PGD: variants seen among roughly 807,000 people sequenced by gnomAD.
PGD encodes the protein phosphogluconate dehydrogenase, also known as 6-phosphogluconate dehydrogenase, decarboxylating.
A neutral mutation model predicts 60.4 loss-of-function variants in PGD; 21 were observed. The ratio of observed to expected loss-of-function variants is 0.35; its 90% CI spans 0.25 to 0.50. PGD has a LOEUF of 0.50. Ranked by LOEUF, PGD falls within the 20% of genes least tolerant of loss-of-function variation. The probability of loss-of-function intolerance (pLI) is 0.98; values close to 1 mark genes in which losing one functional copy is unlikely to be tolerated. For missense variants in PGD, 477 were observed against 613.1 expected (o/e 0.78, Z 2.34); for synonymous variants, 230 against 235.9 (o/e 0.97, Z 0.23).
chr1:10,399,546 C>T (rs1639275012), intron 1 of PGD, 83 bp from the exon 2 acceptor site: 4 of 1,282,578 alleles, frequency 3.1e-6, no homozygotes, highest in African/African-American at 1.5e-5. Context: ...CAGTCACGGC[C>T]AAATGTGGAA....
chr1:10,417,261 T>C, intron 9 of PGD, 115 bp from the exon 10 acceptor site: 1 of 1,430,460 alleles, frequency 7.0e-7, no homozygotes. Flanking sequence ...TTACAATGTT[T>C]TCCTAGAATA....
At position 10,403,171 on chromosome 1, in the gene PGD, C is replaced by T. The variant is rs537403025; in HGVS notation, c.330+35C>T. 21 of 1,441,290 alleles carry T rather than the reference C, an allele frequency of 1.5e-5. No individual in the cohort carries two copies. In the East Asian group the frequency reaches 1.6e-4, roughly 11 times the overall value. The allele number at this position is 1,441,290 out of a possible 1,614,324, so 89.3% of individuals were successfully genotyped here. ...CTTCAGTCCAGATTCTTCCAGGTTC[C>T]GAGAACATTCTAGAAAAAAGTGTCA... is the stretch of plus-strand genomic sequence containing the variant. On this transcript the variant is annotated intron_variant, in intron 4 of 12. Transcript: ENST00000270776.
At chr1:10,403,891 G>C (rs1300189132) in intron 4 of PGD, among the ~76,000 whole-genome samples, 2 of 152,236 alleles carry the variant, frequency 1.3e-5, no homozygotes, top group East Asian at 3.9e-4. Flanking sequence ...ATGTGTGTTT[G>C]GCTTAATTAT....
chr1:10,416,237 G>A (rs977005996), intron 8 of PGD, among the ~76,000 whole-genome samples: 1 of 152,114 alleles, frequency 6.6e-6, no homozygotes, highest in African/African-American at 2.4e-5. Flanking sequence ...GGGATTACAG[G>A]TGTTAGCCAC....
chr1:10,416,703 C>T (rs941193260), intron 8 of PGD, among the ~76,000 whole-genome samples: 11 of 152,028 alleles, frequency 7.2e-5, no homozygotes, highest in African/African-American at 2.4e-4. Flanking sequence ...TTTTCTCTTA[C>T]GGGCAGGGCC....
At position 10,420,387 on chromosome 1, in the gene PGD, G is replaced by A. The variant is rs1171163987; in HGVS notation, c.*638G>A. Among the ~76,000 whole-genome samples the A allele has an allele frequency of 1.1e-5, 1 of 93,588 alleles. No homozygotes were observed. Among genetic ancestry groups the A allele is most frequent in the East Asian group, 3.3e-4 (1 of 3,054 alleles). The allele number at this position is 93,588 out of a possible 152,430, so 61.4% of individuals were successfully genotyped here. ...TTCACTGTAACGTGCTTTTTCTTTC[G>A]TCTTTTTTTTTTTTTTTTTTTTTTT... is the stretch of plus-strand genomic sequence containing the variant. On this transcript the variant is annotated 3_prime_UTR_variant, in exon 13 of 13. Transcript: ENST00000270776.
intron 3 of PGD, among the ~76,000 whole-genome samples, chr1:10,400,788 GAC>G (rs1032329428): frequency 3.3e-5 from 5 of 152,070 alleles, no homozygotes; most frequent in Non-Finnish European, 7.3e-5. Context: ...AATACTAACA[GAC>G]ATTTCAATAA....
At chr1:10,404,110 G>A (rs1418957861) in intron 4 of PGD, 51 bp from the exon 5 acceptor site, 2 of 1,260,850 alleles carry the variant, frequency 1.6e-6, no homozygotes, top group Non-Finnish European at 2.2e-6. Context: ...ATGAAACATG[G>A]AAGCATAATG....
intron 2 of PGD, 61 bp downstream of exon 2, chr1:10,399,765 G>A: frequency 1.4e-6 from 2 of 1,432,852 alleles, no homozygotes; most frequent in Non-Finnish European, 2.0e-6. Flanking sequence ...CGAGGCCGGC[G>A]ATAGGTTTGG....
chr1:10,405,039 C>A (rs192712478), intron 5 of PGD, among the ~76,000 whole-genome samples: 15 of 149,960 alleles, frequency 1.0e-4, no homozygotes, highest in African/African-American at 3.8e-4. Context: ...ATAGCGAGAT[C>A]CTGTTTCTAC....
At position 10,403,153 on chromosome 1, in the gene PGD, C is replaced by G. The variant is rs761631793; in HGVS notation, c.330+17C>G. ...GACACCACAGTAAGTGTTCTTCAGTCCAGATTCTTCCAGGTTCCGAGAACA... is the reference window on the plus strand; with the variant it reads ...GACACCACAGTAAGTGTTCTTCAGTGCAGATTCTTCCAGGTTCCGAGAACA... On this transcript the variant is annotated intron_variant, in intron 4 of 12. Transcript: ENST00000270776. 1 of 1,539,428 alleles carries G rather than the reference C, an allele frequency of 6.5e-7. No individual in the cohort carries two copies. Among genetic ancestry groups the G allele is most frequent in the African/African-American group, 1.4e-5 (1 of 73,368 alleles).
Position 10,410,348 on chromosome 1 carries a change from G to A in PGD, c.520-1070G>A, listed in dbSNP as rs904153689. ...TCCCAGCTCATCAGGAGGCTGAGGC[G>A]TTAGAATTGCTTGAACCCAGGAGGC... On this transcript the variant is annotated intron_variant, in intron 6 of 12. Transcript: ENST00000270776. Among the ~76,000 whole-genome samples the A allele has an allele frequency of 3.9e-5, 6 of 151,986 alleles. No individual in the cohort carries two copies. In the East Asian group the frequency reaches 7.8e-4, roughly 20 times the overall value.
intron 2 of PGD, chr1:10,400,093 A>G: frequency 2.2e-6 from 1 of 464,562 alleles, no homozygotes; most frequent in Non-Finnish European, 3.9e-6. Context: ...ATCAATAACA[A>G]CAGATAGAGC....
At chr1:10,402,905 G>C (rs1639338984) in intron 3 of PGD, among the ~76,000 whole-genome samples, 166 bp from the exon 4 acceptor site, 1 of 152,204 alleles carries the variant, frequency 6.6e-6, no homozygotes, top group South Asian at 2.1e-4. Context: ...ACCACTGCAG[G>C]AGTTCAGGGT....
In PGD at chr1:10,411,557, G is replaced by T. The variant is rs1569984796; in HGVS notation, c.654+5G>T. On this transcript the variant is annotated splice_donor_5th_base_variant and intron_variant, in intron 7 of 12. Coordinates refer to ENST00000270776, the MANE Select transcript of PGD (RefSeq NM_002631.4). Reference sequence around the variant, plus strand: ...GCGCAGGACGAGATGGCCCAGGTGAGGCCCCGGCACTGCCTCTGTGTCCGT... The same window carrying T: ...GCGCAGGACGAGATGGCCCAGGTGATGCCCCGGCACTGCCTCTGTGTCCGT... 12 of 1,613,746 alleles carry T rather than the reference G, an allele frequency of 7.4e-6. No homozygotes were observed. The highest frequency in any genetic ancestry group is 1.0e-5 in the Non-Finnish European group (12 of 1,179,808).
chr1:10,418,274 G>C (rs376134603), intron 10 of PGD, among the ~76,000 whole-genome samples: 1 of 152,144 alleles, frequency 6.6e-6, no homozygotes, highest in African/African-American at 2.4e-5. Context: ...GCCAAGAATA[G>C]TTTTTATATT....
rs759978536 is a variant in PGD at position 10,399,621 on chromosome 1, C to T, written c.9-8C>T. ...ACTCTTTCCTTTGTTCTGTTTCTGC[C>T]TCTCTAGAGCTGACATCGCGCTGAT... On this transcript the variant is annotated splice_region_variant and splice_polypyrimidine_tract_variant and intron_variant, in intron 1 of 12. Transcript: ENST00000270776. 6 of 1,612,870 alleles carry T rather than the reference C, an allele frequency of 3.7e-6. No homozygotes were observed. Among genetic ancestry groups the T allele is most frequent in the South Asian group, 2.2e-5 (2 of 91,074 alleles).
chr1:10,399,543 G>C, intron 1 of PGD, 86 bp from the exon 2 acceptor site: 2 of 1,244,236 alleles, frequency 1.6e-6, no homozygotes, highest in Non-Finnish European at 2.3e-6. Flanking sequence ...TCCCAGTCAC[G>C]GCCAAATGTG....
At chr1:10,403,590 G>GAAAAAAAAAAAAAA (rs71583866) in intron 4 of PGD, among the ~76,000 whole-genome samples, 1 of 67,150 alleles carries the variant, frequency 1.5e-5, no homozygotes, top group African/African-American at 5.9e-5. Flanking sequence ...AACTCCATCT[G>GAAAAAAAAAAAAAA]AAAAAAAAAA....
Sources: gnomAD v4.1 joint callset for allele counts (sites outside exome capture counted in the v4.1 genomes callset) on GRCh38, gnomAD v4.1.1 for gene constraint, MANE v1.5 for transcripts, NCBI Gene and HGNC (gene_info 2026-07-23, HGNC 2026-07-21) for gene names.